Variants in CES3 observed in about 807,000 individuals in gnomAD.
The protein encoded by CES3 is carboxylesterase 3 (brain).
CES3 carries 49 observed loss-of-function variants against 57.6 expected under a neutral mutation model. That is an observed-to-expected ratio of 0.85 (90% CI 0.68 to 1.08). The LOEUF (loss-of-function observed/expected upper bound fraction) is 1.08. Among genes scored for constraint, CES3 ranks in the 50% least tolerant of loss-of-function variants. The pLI is 0.00. For missense variants in CES3, 645 were observed against 742.0 expected (o/e 0.87, Z 1.52); for synonymous variants, 266 against 281.6 (o/e 0.94, Z 0.55).
At chr16:66,966,475 T>G in intron 7 of CES3, 130 bp downstream of exon 7, 1 of 975,858 alleles carries the variant, frequency 1.0e-6, no homozygotes. Flanking sequence ...GGGAAGGGGC[T>G]GAGGGCTTGG....
intron 7 of CES3, 114 bp downstream of exon 7, chr16:66,966,459 C>T: frequency 9.2e-7 from 1 of 1,082,786 alleles, no homozygotes. Flanking sequence ...GACAGCAGCT[C>T]ATGAGGGGAA....
intron 7 of CES3, 37 bp downstream of exon 7, chr16:66,966,382 G>A: frequency 6.3e-7 from 1 of 1,588,698 alleles, no homozygotes; most frequent in Non-Finnish European, 8.6e-7. Flanking sequence ...CCGGGCAATG[G>A]CACAGAGGGG....
chr16:66,969,500 C>T (rs947927781), intron 8 of CES3, among the ~76,000 whole-genome samples, 179 bp from the exon 9 acceptor site: 1 of 152,260 alleles, frequency 6.6e-6, no homozygotes, highest in African/African-American at 2.4e-5. Flanking sequence ...CCACACCAAC[C>T]ACCTCCCACC....
intron 6 of CES3, 45 bp downstream of exon 6, chr16:66,964,772 C>A (rs372532446): frequency 2.0e-6 from 3 of 1,513,742 alleles, no homozygotes; most frequent in African/African-American, 1.4e-5. Context: ...GCCTCCCATA[C>A]CCCACTCTGT....
At chr16:66,966,121 G>A (rs1963725813) in intron 6 of CES3, 123 bp from the exon 7 acceptor site, 2 of 842,866 alleles carry the variant, frequency 2.4e-6, no homozygotes, top group Non-Finnish European at 3.7e-6. Context: ...GACCAGTCTC[G>A]AGGCCGATCT....
At chr16:66,972,241 T>TATCATC (rs549177232) in intron 10 of CES3, 115 bp from the exon 11 acceptor site, 10 of 1,108,608 alleles carry the variant, frequency 9.0e-6, no homozygotes, top group South Asian at 6.5e-5. Context: ...CTAGTCATTT[T>TATCATC]ATCATCATCA....
At chr16:66,961,437 C>A in intron 1 of CES3, 48 bp downstream of exon 1, 2 of 1,489,716 alleles carry the variant, frequency 1.3e-6, no homozygotes, top group South Asian at 1.2e-5. Context: ...GTGGAGGAGT[C>A]AAGAGTGAGA....
intron 8 of CES3, chr16:66,967,849 CCT>C: frequency 1.3e-6 from 1 of 760,910 alleles, no homozygotes; most frequent in Non-Finnish European, 1.6e-6. Context: ...ACTGCCTCAA[CCT>C]CTCAGGCCCG....
intron 7 of CES3, 92 bp downstream of exon 7, chr16:66,966,437 G>GCCCCACCT: frequency 2.3e-6 from 3 of 1,302,378 alleles, no homozygotes; most frequent in Non-Finnish European, 3.2e-6. Flanking sequence ...TCTACCCCCA[G>GCCCCACCT]GTGGGGCTGG....
At chr16:66,966,221 A>G in intron 6 of CES3, 23 bp from the exon 7 acceptor site, 1 of 1,608,352 alleles carries the variant, frequency 6.2e-7, no homozygotes, top group Non-Finnish European at 8.5e-7. Context: ...AGAGGGAGGC[A>G]TGACTCTTTC....
chr16:66,964,554 C>T (rs748040777), intron 5 of CES3, 44 bp downstream of exon 5: 21 of 1,611,682 alleles, frequency 1.3e-5, no homozygotes, highest in Middle Eastern at 3.3e-4. Context: ...AGGAGGGCTC[C>T]GGTGGTCTCA....
At chr16:66,972,555 G>T in intron 11 of CES3, 50 bp downstream of exon 11, 1 of 1,605,810 alleles carries the variant, frequency 6.2e-7, no homozygotes, top group Non-Finnish European at 8.5e-7. Context: ...AGACTCCAAG[G>T]GGCCTGGGCA....
intron 9 of CES3, among the ~76,000 whole-genome samples, chr16:66,970,291 A>G (rs1450724288): frequency 6.6e-6 from 1 of 151,978 alleles, no homozygotes; most frequent in African/African-American, 2.4e-5. Flanking sequence ...GTGTTTTAGT[A>G]GAGACAGGGT....
intron 8 of CES3, 79 bp downstream of exon 8, chr16:66,966,944 T>C: frequency 2.0e-6 from 3 of 1,533,048 alleles, no homozygotes; most frequent in Admixed American, 3.5e-5. Flanking sequence ...CACTACAGCC[T>C]TGTGAACGGA....
intron 6 of CES3, among the ~76,000 whole-genome samples, chr16:66,965,079 C>T (rs925910382): frequency 5.3e-5 from 8 of 152,348 alleles, no homozygotes; most frequent in African/African-American, 1.9e-4. Flanking sequence ...GATCCCCACC[C>T]TAGATCCTCA....
chr16:66,962,395 A>T (rs71647888), intron 1 of CES3, among the ~76,000 whole-genome samples: 3,232 of 152,324 alleles, frequency 0.021, 85 homozygotes, highest in South Asian at 0.077. Flanking sequence ...GTTGTAAAAG[A>T]ATACAGGAAG....
At position 66,966,360 on chromosome 16, in the gene CES3, T is replaced by C. The variant is rs536559559; in HGVS notation, c.921+15T>C. ...GCAAGAAGCTGGTATGGCCACCCTTTTGGGGATGGTGCCGGGCAATGGCAC... is the reference window on the plus strand; with the variant it reads ...GCAAGAAGCTGGTATGGCCACCCTTCTGGGGATGGTGCCGGGCAATGGCAC... On this transcript the variant is annotated intron_variant, in intron 7 of 12. Transcript: ENST00000303334. 2 of 1,611,702 alleles carry C rather than the reference T, an allele frequency of 1.2e-6. No individual in the cohort carries two copies. The highest frequency in any genetic ancestry group is 2.7e-5 in the African/African-American group (2 of 75,012).
chr16:66,967,334 G>A (rs879362108), intron 8 of CES3: 24 of 232,486 alleles, frequency 1.0e-4, no homozygotes, highest in Admixed American at 1.0e-3. Context: ...GATTACAGGC[G>A]TGGGCCACTT....
In CES3 at chr16:66,963,254, C is replaced by T. The variant is rs1321531471; in HGVS notation, c.158C>T (p.Thr53Ile). 1 of 1,614,138 alleles carries T rather than the reference C, an allele frequency of 6.2e-7. No individual in the cohort carries two copies. Among genetic ancestry groups the T allele is most frequent in the Admixed American group, 1.7e-5 (1 of 60,030 alleles). ...GGCCGGCAGGTGGGCGTGAAGGGCA[C>T]AGACCGCCTTGTGAATGTCTTTCTG... ...VRGRQVGVKG[T>I]DRLVNVFLGI... The change falls in exon 2 of 13, where the codon ACA becomes ATA. Residue 53 changes from threonine to isoleucine, a missense_variant. Physicochemically the swap from Thr to Ile is moderately conservative, Grantham distance 89. Coordinates refer to ENST00000303334, the MANE Select transcript of CES3 (RefSeq NM_024922.6). The surrounding 1 kb of genome is among the most constrained non-coding windows in gnomAD (Gnocchi z 4.9).
Sources: allele counts gnomAD v4.1 joint callset (sites outside exome capture counted in the v4.1 genomes callset), GRCh38; gene constraint gnomAD v4.1.1; non-coding constraint Gnocchi (gnomAD v3.1); transcripts MANE v1.5; gene names NCBI Gene and HGNC (gene_info 2026-07-23, HGNC 2026-07-21).